Variants in TGS1 observed in about 807,000 individuals in gnomAD.
TGS1 encodes the protein trimethylguanosine synthase 1.
TGS1 carries 69 observed loss-of-function variants against 92.2 expected under a neutral mutation model. That is an observed-to-expected ratio of 0.75 (90% CI 0.62 to 0.91). The LOEUF (loss-of-function observed/expected upper bound fraction) is 0.91. Ranked by LOEUF, TGS1 falls within the 40% of genes least tolerant of loss-of-function variation. The pLI is 0.00. For missense variants in TGS1, 1,062 were observed against 1,001.2 expected, an observed-to-expected ratio of 1.06 and a Z score of -0.82; for synonymous variants, 345 against 338.1, an observed-to-expected ratio of 1.02 and a Z score of -0.22.
chr8:55,789,947 A>G, intron 4 of TGS1: 2 of 358,080 alleles, frequency 5.6e-6, no homozygotes, highest in South Asian at 4.1e-5. Flanking sequence ...TGAGCTTAAA[A>G]TGTATACATG....
chr8:55,794,112 C>T (rs951357129), intron 6 of TGS1, among the ~76,000 whole-genome samples: 1 of 152,132 alleles, frequency 6.6e-6, no homozygotes, highest in African/African-American at 2.4e-5. Flanking sequence ...TAAATTGTTT[C>T]CTAAGATCTA....
Position 55,774,634 on chromosome 8 carries a change from ATGCTGG to A in TGS1, c.101+917_101+922del, listed in dbSNP as rs112850570. ...TTTTTTGTGCTCTTGTATATCAAGT[ATGCTGG>A]TAGGCACTGAGGTACAAGACATTCT... On this transcript the variant is annotated intron_variant, in intron 1 of 12. Transcript: ENST00000260129. Among the ~76,000 whole-genome samples the A allele has an allele frequency of 5.9e-3, 905 of 152,316 alleles. 4 individuals are homozygous for A. Among genetic ancestry groups the A allele is most frequent in the African/African-American group, 0.02 (835 of 41,568 alleles).
chr8:55,789,989 C>A (rs1425946974), intron 4 of TGS1, 193 bp from the exon 5 acceptor site: 2 of 507,730 alleles, frequency 3.9e-6, no homozygotes, highest in Non-Finnish European at 3.5e-6. Flanking sequence ...ATTTAACAAA[C>A]CTTATAGTTA....
chr8:55,817,314 C>T (rs150749264), intron 12 of TGS1, among the ~76,000 whole-genome samples: 168 of 151,924 alleles, frequency 1.1e-3, no homozygotes, highest in African/African-American at 4.0e-3. Context: ...ATAGATAGGT[C>T]GATAGGAATG....
chr8:55,785,866 G>A lies in TGS1; in HGVS notation c.314G>A (p.Arg105Lys). 1 of 1,607,174 alleles carries A rather than the reference G, an allele frequency of 6.2e-7. No individual in the cohort carries two copies. Among genetic ancestry groups the A allele is most frequent in the Non-Finnish European group, 8.5e-7 (1 of 1,177,642 alleles). Residue 105 changes from arginine (R) to lysine (K), a missense_variant, in exon 3 of 13, where the codon AGG becomes AAG. By Grantham distance (26) the Arg-to-Lys change is conservative (BLOSUM62 2). Transcript: ENST00000260129. Reference protein sequence around the residue: ...RSMGLPLQFGRITAHKDFEVS... With the variant: ...RSMGLPLQFGKITAHKDFEVS... ...ATGGGATTGCCACTTCAATTTGGTA[G>A]GATAACTGCACATAAGGATTTTGAG...
chr8:55,816,864 A>T (rs6988776), intron 12 of TGS1, among the ~76,000 whole-genome samples: 121,988 of 147,318 alleles, frequency 0.83, 50,691 homozygotes, highest in African/African-American at 0.94. Context: ...TATTTTATTT[A>T]TTTTTTTTTT....
chr8:55,773,793 T>A (rs1811293402), intron 1 of TGS1, 74 bp downstream of exon 1: 4 of 1,237,722 alleles, frequency 3.2e-6, no homozygotes, highest in Non-Finnish European at 4.6e-6. Context: ...CAAACGTGGT[T>A]GTAATTGATC....
At position 55,786,618 on chromosome 8, in the gene TGS1, T is replaced by TA. The variant is rs765854657; in HGVS notation, c.720_721insA (p.Tyr241IlefsTer2). 6.2e-7 allele frequency: 1 copy of TA among 1,614,156 alleles called. No homozygotes were observed. Among genetic ancestry groups the TA allele is most frequent in the South Asian group, 1.1e-5 (1 of 91,086 alleles). On this transcript the variant is annotated frameshift_variant, in exon 4 of 13. Transcript: ENST00000260129. LOFTEE classifies it high-confidence loss of function. Reference sequence around the variant, plus strand: ...ATACAAAGGAAGAATGGGAGCAACATTATAGTCAACTTTATTGGTATTATT... The same window carrying TA: ...ATACAAAGGAAGAATGGGAGCAACATATATAGTCAACTTTATTGGTATTATT...
chr8:55,808,665 C>T (rs1277698596), intron 10 of TGS1, among the ~76,000 whole-genome samples: 5 of 151,994 alleles, frequency 3.3e-5, no homozygotes, highest in African/African-American at 4.8e-5. Context: ...CCTGCCACCA[C>T]GCCCAGCTAA....
intron 12 of TGS1, among the ~76,000 whole-genome samples, chr8:55,818,279 C>G (rs917461106): frequency 6.6e-6 from 1 of 152,150 alleles, no homozygotes; most frequent in African/African-American, 2.4e-5. Flanking sequence ...TGAAACAATT[C>G]TCCCACCTCG....
In TGS1 at chr8:55,824,798, C is replaced by A; in HGVS notation, c.*95C>A. On this transcript the variant is annotated 3_prime_UTR_variant, in exon 13 of 13. Transcript: ENST00000260129. ...TTCCTTTATTCACTGATATTTTCTACCCATGGTCTTATATCACCGTATGAA... is the reference window on the plus strand; with the variant it reads ...TTCCTTTATTCACTGATATTTTCTAACCATGGTCTTATATCACCGTATGAA... 2 of 1,441,098 alleles carry A rather than the reference C, an allele frequency of 1.4e-6. No homozygotes were observed. Among genetic ancestry groups the A allele is most frequent in the Non-Finnish European group, 1.9e-6 (2 of 1,050,886 alleles). 89.3% of individuals were successfully genotyped at this position (1,441,098 alleles called of 1,614,324 possible). A position where few individuals can be genotyped will look rare whatever the true frequency, so the allele number is the denominator to read the frequency against.
Position 55,826,416 on chromosome 8 carries a change from GAC to G in TGS1, c.*1714_*1715del, listed in dbSNP as rs1290155635. Among the ~76,000 whole-genome samples, 1 of 152,152 alleles carries G rather than the reference GAC, an allele frequency of 6.6e-6. No individual in the cohort carries two copies. The highest frequency in any genetic ancestry group is 1.5e-5 in the Non-Finnish European group (1 of 68,038). ...TAATCACACAGGGATAAAACTAATA[GAC>G]TGTTAAGATTGTCAGTACTCAATAG... On this transcript the variant is annotated 3_prime_UTR_variant, in exon 13 of 13. Coordinates refer to ENST00000260129, the MANE Select transcript of TGS1 (RefSeq NM_024831.8).
intron 10 of TGS1, among the ~76,000 whole-genome samples, chr8:55,809,423 T>C (rs1201133150): frequency 6.6e-6 from 1 of 151,928 alleles, no homozygotes; most frequent in East Asian, 1.9e-4. Context: ...CGAGGTGTGC[T>C]AGTGTGGCTG....
At chr8:55,804,784 G>A in intron 9 of TGS1, 109 bp from the exon 10 acceptor site, 2 of 946,926 alleles carry the variant, frequency 2.1e-6, no homozygotes, top group Non-Finnish European at 3.1e-6. Flanking sequence ...TTTAAAAAGG[G>A]AAACTAAGCT....
intron 12 of TGS1, among the ~76,000 whole-genome samples, chr8:55,823,265 C>G (rs1277492225): frequency 6.6e-6 from 1 of 152,162 alleles, no homozygotes; most frequent in Non-Finnish European, 1.5e-5. Flanking sequence ...TAAAACATTT[C>G]TAGTTTACAA....
intron 4 of TGS1, among the ~76,000 whole-genome samples, chr8:55,788,997 C>G (rs373761353): frequency 1.3e-5 from 2 of 152,102 alleles, no homozygotes; most frequent in Non-Finnish European, 1.5e-5. Context: ...CCCTTACTTA[C>G]GTTTATAGAT....
intron 9 of TGS1, 116 bp from the exon 10 acceptor site, chr8:55,804,776 TA>T (rs138013157): frequency 0.11 from 101,297 of 899,700 alleles, 6,663 homozygotes; most frequent in African/African-American, 0.19. Context: ...TATAATTTTT[TA>T]AAAAGGGAAA....
At chr8:55,782,276 G>A (rs936205476) in intron 1 of TGS1, among the ~76,000 whole-genome samples, 4 of 151,916 alleles carry the variant, frequency 2.6e-5, no homozygotes, top group Admixed American at 6.6e-5. Context: ...CTGTCTCCCG[G>A]ATTTAAGCAA....
At position 55,790,178 on chromosome 8, in the gene TGS1, T is replaced by G. The variant is rs1367904770; in HGVS notation, c.1163-4T>G. ...AAGCTACTGCAATATTTCTGCCTCT[T>G]TAGATTCACAGAAGTCTTCAGGAGC... On this transcript the variant is annotated splice_polypyrimidine_tract_variant and splice_region_variant and intron_variant, in intron 4 of 12. Coordinates refer to ENST00000260129, the MANE Select transcript of TGS1 (RefSeq NM_024831.8). 4 of 1,609,756 alleles carry G rather than the reference T, an allele frequency of 2.5e-6. No homozygotes were observed. The highest frequency in any genetic ancestry group is 3.3e-5 in the Admixed American group (2 of 59,810).
Sources: allele counts gnomAD v4.1 joint callset (sites outside exome capture counted in the v4.1 genomes callset), GRCh38; gene constraint gnomAD v4.1.1; transcripts MANE v1.5; gene names NCBI Gene and HGNC (gene_info 2026-07-23, HGNC 2026-07-21).